PALB2: variants seen among roughly 807,000 people sequenced by gnomAD.
The protein encoded by PALB2 is mutant partner and localizer of BRCA2.
Under a neutral mutation model 107.4 loss-of-function variants are expected in PALB2, and 82 were observed. The ratio of observed to expected loss-of-function variants is 0.76; its 90% CI spans 0.64 to 0.92. The LOEUF is 0.92. Among genes scored for constraint, PALB2 ranks in the 40% least tolerant of loss-of-function variants. The pLI, the probability that PALB2 is intolerant of heterozygous loss-of-function variation, is 0.00. For synonymous variants in PALB2, 489 were observed against 496.8 expected, an observed-to-expected ratio of 0.98 and a Z score of 0.21; for missense variants, 1,374 against 1,379.9, an observed-to-expected ratio of 1.00 and a Z score of 0.07.
At chr16:23,628,256 T>C (rs249955) in intron 6 of PALB2, among the ~76,000 whole-genome samples, 11,315 of 152,196 alleles carry the variant, frequency 0.074, 492 homozygotes, top group East Asian at 0.17. Context: ...TTATTAAAAT[T>C]GACTCAAGAA....
chr16:23,603,334 C>T lies in PALB2; in HGVS notation c.*125G>A. 2.6e-6 allele frequency: 2 copies of T among 762,706 alleles called. No individual in the cohort carries two copies. Among genetic ancestry groups the T allele is most frequent in the Non-Finnish European group, 2.2e-6 (1 of 450,546 alleles). The allele number at this position is 762,706 out of a possible 1,614,324, so 47.2% of individuals were successfully genotyped here. ...ACCATCATTAGAATAAAAAATAAGTCTGTCTGGACATAAACAAGCAATCAT... is the reference window on the plus strand; with the variant it reads ...ACCATCATTAGAATAAAAAATAAGTTTGTCTGGACATAAACAAGCAATCAT... On this transcript the variant is annotated 3_prime_UTR_variant, in exon 13 of 13. Transcript: ENST00000261584.
intron 12 of PALB2, among the ~76,000 whole-genome samples, chr16:23,606,281 C>T (rs1196502381): frequency 6.6e-6 from 1 of 151,844 alleles, no homozygotes; most frequent in African/African-American, 2.4e-5. Flanking sequence ...TGGCATGTAC[C>T]TGTAGTCCCA....
intron 8 of PALB2, among the ~76,000 whole-genome samples, chr16:23,623,690 T>C (rs1010285743): frequency 6.6e-6 from 1 of 151,470 alleles, no homozygotes; most frequent in Non-Finnish European, 1.5e-5. Context: ...GGCTAATTTT[T>C]GTATTTTCAG....
chr16:23,641,059 T>G, intron 1 of PALB2, 51 bp downstream of exon 1: 1 of 1,602,656 alleles, frequency 6.2e-7, no homozygotes, highest in South Asian at 1.1e-5. Context: ...CCTAAAACCC[T>G]GGGAAAGCGG....
intron 11 of PALB2, among the ~76,000 whole-genome samples, chr16:23,608,738 G>T (rs760843448): frequency 4.6e-5 from 7 of 150,730 alleles, no homozygotes; most frequent in Non-Finnish European, 8.8e-5. Context: ...ATGTGTTAAA[G>T]TTCTCTCCTG....
Position 23,635,470 on chromosome 16 carries a change from C to CT in PALB2, c.1075dup (p.Ser359LysfsTer2). The CT allele has an allele frequency of 6.2e-7, 1 of 1,614,140 alleles. No homozygotes were observed. On this transcript the variant is annotated frameshift_variant, in exon 4 of 13. Coordinates refer to ENST00000261584, the MANE Select transcript of PALB2 (RefSeq NM_024675.4). LOFTEE classifies it high-confidence loss of function. ...TTCATTCCTGCCATCAAGAGTGTCA[C>CT]TGGGAGATTTTAAAGATTTCTCTGT...
At chr16:23,638,345 A>G in intron 1 of PALB2, 1 of 604,734 alleles carries the variant, frequency 1.7e-6, no homozygotes, top group Non-Finnish European at 3.0e-6. Context: ...TCCTTTGCCA[A>G]TTCCTACTGA....
chr16:23,626,178 T>C (rs2142352254), intron 7 of PALB2, 58 bp downstream of exon 7: 1 of 1,604,952 alleles, frequency 6.2e-7, no homozygotes, highest in Non-Finnish European at 8.5e-7. Flanking sequence ...AAGCTGCCCA[T>C]CTACATTATC....
chr16:23,629,271 TCA>T lies in PALB2; in HGVS notation c.2517_2518del (p.Glu840AsnfsTer8), dbSNP rs1597088245. The T allele has an allele frequency of 6.2e-7, 1 of 1,613,414 alleles. No homozygotes were observed. Among genetic ancestry groups the T allele is most frequent in the Non-Finnish European group, 8.5e-7 (1 of 1,179,828 alleles). On this transcript the variant is annotated frameshift_variant and splice_region_variant, in exon 6 of 13. Coordinates refer to ENST00000261584, the MANE Select transcript of PALB2 (RefSeq NM_024675.4). LOFTEE classifies it high-confidence loss of function. ...ATCAGAAGCAGGAAGCTCTGCTGTT[TCA>T]GTCTGTGAAAACAAAAGTCACATCA...
In PALB2 at chr16:23,634,946, A is replaced by C. The variant is rs1064793824; in HGVS notation, c.1600T>G (p.Ser534Ala). Reference protein sequence around the residue: ...SDHCEPLLPTSSLSIVNRSKE... With the variant: ...SDHCEPLLPTASLSIVNRSKE... Reference sequence around the variant, plus strand: ...GACCTGTTAACAATCGACAGGCTAGAAGTTGGCAAAAGTGGTTCACAATGA... The same window carrying C: ...GACCTGTTAACAATCGACAGGCTAGCAGTTGGCAAAAGTGGTTCACAATGA... The change falls in exon 4 of 13, where the codon TCT becomes GCT. Residue 534 changes from serine (S) to alanine (A), a missense_variant. Physicochemically the swap from Ser to Ala is moderately conservative, Grantham distance 99. Transcript: ENST00000261584. 1.2e-6 allele frequency: 2 copies of C among 1,614,136 alleles called. No individual in the cohort carries two copies. The highest frequency in any genetic ancestry group is 1.7e-6 in the Non-Finnish European group (2 of 1,180,036).
intron 12 of PALB2, 121 bp downstream of exon 12, chr16:23,607,743 C>A (rs906304933): frequency 1.7e-6 from 2 of 1,196,472 alleles, no homozygotes; most frequent in Middle Eastern, 2.7e-4. Context: ...ATATTCCTAT[C>A]ATGATATATA....
chr16:23,639,590 C>A (rs1190953688), intron 1 of PALB2, among the ~76,000 whole-genome samples: 1 of 148,726 alleles, frequency 6.7e-6, no homozygotes, highest in Non-Finnish European at 1.5e-5. Context: ...AAGGCCAAGG[C>A]GGGCAGATTA....
At chr16:23,609,831 T>G (rs1234838406) in intron 11 of PALB2, among the ~76,000 whole-genome samples, 1 of 152,004 alleles carries the variant, frequency 6.6e-6, no homozygotes, top group Non-Finnish European at 1.5e-5. Flanking sequence ...ACACTTTTTT[T>G]GGGGGGATAG....
At position 23,603,393 on chromosome 16, in the gene PALB2, T is replaced by G. The variant is rs1384711861; in HGVS notation, c.*66A>C. Reference sequence around the variant, plus strand: ...TCATTCAGATATTCTCCTTTATATTTAAAACTCCAAAAAATACTAAGAGGC... The same window carrying G: ...TCATTCAGATATTCTCCTTTATATTGAAAACTCCAAAAAATACTAAGAGGC... On this transcript the variant is annotated 3_prime_UTR_variant, in exon 13 of 13. Coordinates refer to ENST00000261584, the MANE Select transcript of PALB2 (RefSeq NM_024675.4). The G allele has an allele frequency of 7.4e-7, 1 of 1,358,636 alleles. No homozygotes were observed. Among genetic ancestry groups the G allele is most frequent in the Non-Finnish European group, 1.1e-6 (1 of 950,338 alleles). 84.2% of individuals were successfully genotyped at this position (1,358,636 alleles called of 1,614,324 possible).
chr16:23,607,731 G>A, intron 12 of PALB2, 133 bp downstream of exon 12: 1 of 1,116,016 alleles, frequency 9.0e-7, no homozygotes, highest in South Asian at 1.3e-5. Context: ...TCCTACTTCT[G>A]AATATTCCTA....
intron 10 of PALB2, among the ~76,000 whole-genome samples, chr16:23,619,029 G>A (rs1966728826): frequency 6.6e-6 from 1 of 152,002 alleles, no homozygotes; most frequent in African/African-American, 2.4e-5. Flanking sequence ...AGAAGGTTAG[G>A]GTTGTAAGTC....
At chr16:23,636,993 TA>T (rs1967078760) in intron 3 of PALB2, among the ~76,000 whole-genome samples, 1 of 152,022 alleles carries the variant, frequency 6.6e-6, no homozygotes, top group South Asian at 2.1e-4. Context: ...CTCACACCTG[TA>T]ATCCCAGCAC....
chr16:23,629,460 T>C (rs1406975422), intron 5 of PALB2, among the ~76,000 whole-genome samples, 180 bp downstream of exon 5: 2 of 152,198 alleles, frequency 1.3e-5, no homozygotes, highest in African/African-American at 2.4e-5. Flanking sequence ...AAAAGAAACA[T>C]TTTAATGAAC....
rs1057520342 is a variant in PALB2 at position 23,623,085 on chromosome 16, T to C, written c.2880A>G (p.Leu960=). 1 of 1,613,952 alleles carries C rather than the reference T, an allele frequency of 6.2e-7. No individual in the cohort carries two copies. The highest frequency in any genetic ancestry group is 1.7e-5 in the Admixed American group (1 of 59,966). ...SSDDESEKQV[L]LKSGNIKAVL... ...CAGCTTTTATATTTCCAGACTTCAG[T>C]AGTACTTGCTTTTCACTTTCATCAT... is the stretch of plus-strand genomic sequence containing the variant. Residue 960 remains leucine (L), a synonymous_variant, in exon 9 of 13, where the codon CTA becomes CTG. Coordinates refer to ENST00000261584, the MANE Select transcript of PALB2 (RefSeq NM_024675.4).
Sources: gnomAD v4.1 joint callset for allele counts (sites outside exome capture counted in the v4.1 genomes callset) on GRCh38, gnomAD v4.1.1 for gene constraint, MANE v1.5 for transcripts, NCBI Gene and HGNC (gene_info 2026-07-23, HGNC 2026-07-21) for gene names.